The following ZNF273 variants were observed in gnomAD, a reference collection of about 807,000 sequenced individuals.
ZNF273 encodes the protein zinc finger protein 273, also known as zinc finger protein 9.
A neutral mutation model predicts 14.9 loss-of-function variants in ZNF273; 11 were observed. That is an observed-to-expected ratio of 0.74 (90% confidence interval 0.46 to 1.22). The LOEUF is 1.22. ZNF273 is among the 50% of genes most tolerant of loss of function. The pLI, the probability that ZNF273 is intolerant of heterozygous loss-of-function variation, is 0.00. For synonymous variants in ZNF273, 199 were observed against 223.9 expected, an observed-to-expected ratio of 0.89 and a Z score of 0.99; for missense variants, 577 against 660.6, an observed-to-expected ratio of 0.87 and a Z score of 1.39.
downstream of ZNF273, among the ~76,000 whole-genome samples, chr7:64,883,214 A>ACCCCCCCCCCCCCCC (rs57594044): frequency 1.6e-5 from 2 of 121,638 alleles, no homozygotes; most frequent in Non-Finnish European, 3.5e-5. Flanking sequence ...CCAAATCACC[A>ACCCCCCCCCCCCCCC]CCCCCCCCTC....
At chr7:64,877,691 C>T (rs1375282778) in exon 1 of ZNF273, 3 of 152,348 alleles carry the variant, frequency 2.0e-5, no homozygotes, top group Non-Finnish European at 4.4e-5. Context: ...CCTGTCTTCT[C>T]TGAAGGATCC....
intron 1 of ZNF273, among the ~76,000 whole-genome samples, chr7:64,878,091 G>T (rs1240259586): frequency 6.6e-6 from 1 of 152,154 alleles, no homozygotes; most frequent in Admixed American, 6.5e-5. Flanking sequence ...TGGCTCACGT[G>T]GCTCACGCAC....
In ZNF273 at chr7:64,929,791, A is replaced by C. The variant is rs1457762310; in HGVS notation, c.*753A>C. ...TTTGGAAAAAATTACAGGTTTTTTG[A>C]AAAGTGAATAATGTAATTCAACTCT... is the stretch of plus-strand genomic sequence containing the variant. On this transcript the variant is annotated 3_prime_UTR_variant, in exon 4 of 4. Coordinates refer to ENST00000476120, the MANE Select transcript of ZNF273 (RefSeq NM_021148.3). 1.3e-5 allele frequency: 2 copies of C among 152,168 alleles called. No individual in the cohort carries two copies. Among genetic ancestry groups the C allele is most frequent in the African/African-American group, 4.8e-5 (2 of 41,446 alleles). 9.4% of individuals were successfully genotyped at this position (152,168 alleles called of 1,614,324 possible).
At chr7:64,901,753 C>T (rs1792731290), upstream of ZNF273, among the ~76,000 whole-genome samples, 1 of 147,500 alleles carries the variant, frequency 6.8e-6, no homozygotes, top group Non-Finnish European at 1.5e-5. Flanking sequence ...GAGTTCGAGA[C>T]CAGCCTGACC....
intron 1 of ZNF273, among the ~76,000 whole-genome samples, chr7:64,910,474 T>TTGTAGG (rs1214287789): frequency 6.6e-6 from 1 of 152,154 alleles, no homozygotes; most frequent in African/African-American, 2.4e-5. Flanking sequence ...GATCAGATGG[T>TTGTAGG]TGTAGGTGTG....
chr7:64,915,438 T>C (rs529723478), intron 1 of ZNF273, among the ~76,000 whole-genome samples: 1 of 152,132 alleles, frequency 6.6e-6, no homozygotes, highest in Admixed American at 6.5e-5. Flanking sequence ...GTGATAAGCA[T>C]TGTTTATGTA....
Position 64,909,449 on chromosome 7 carries a change from C to T in ZNF273, c.102+6030C>T, listed in dbSNP as rs577133224. ...TCAACATGGTGTCCAGGCTGGTCTCCAACTCCTGACCTCAAGTGATCTGCC... is the reference window on the plus strand; with the variant it reads ...TCAACATGGTGTCCAGGCTGGTCTCTAACTCCTGACCTCAAGTGATCTGCC... On this transcript the variant is annotated intron_variant, in intron 1 of 3. Transcript: ENST00000476120. Among the ~76,000 whole-genome samples, 7 of 151,910 alleles carry T rather than the reference C, an allele frequency of 4.6e-5. 1 individual carries two copies. Among genetic ancestry groups the T allele is most frequent in the Admixed American group, 4.6e-4 (7 of 15,250 alleles).
At chr7:64,918,085 T>TAA in intron 2 of ZNF273, 112 bp from the exon 3 acceptor site, 2 of 966,874 alleles carry the variant, frequency 2.1e-6, no homozygotes, top group Non-Finnish European at 2.9e-6. Context: ...AATTAGATAT[T>TAA]TTGGGATTAA....
chr7:64,924,306 TGA>T (rs2129098627), intron 3 of ZNF273: 1 of 152,244 alleles, frequency 6.6e-6, no homozygotes, highest in East Asian at 1.9e-4. Flanking sequence ...TTAATGTTGT[TGA>T]GTTTTGTATA....
intron 1 of ZNF273, among the ~76,000 whole-genome samples, chr7:64,909,642 T>C (rs9638208): frequency 0.31 from 47,685 of 151,920 alleles, 8,546 homozygotes; most frequent in Non-Finnish European, 0.38. Flanking sequence ...TGCATGTGTC[T>C]TTATAATAGA....
chr7:64,886,057 G>T (rs117394523), intron 1 of ZNF273, among the ~76,000 whole-genome samples: 1 of 137,486 alleles, frequency 7.3e-6, no homozygotes, highest in African/African-American at 2.7e-5. Flanking sequence ...AGGCTTAGGT[G>T]GGGGAAACCA....
downstream of ZNF273, among the ~76,000 whole-genome samples, chr7:64,892,966 C>CA (rs1792125715): frequency 6.6e-6 from 1 of 152,136 alleles, no homozygotes; most frequent in South Asian, 2.1e-4. Flanking sequence ...ACAACAACAA[C>CA]AAAAATGGAG....
downstream of ZNF273, among the ~76,000 whole-genome samples, chr7:64,890,406 G>A (rs1289549706): frequency 6.6e-6 from 1 of 152,030 alleles, no homozygotes; most frequent in Non-Finnish European, 1.5e-5. Flanking sequence ...TGGGTTTTGT[G>A]TTTGCCTTTT....
At chr7:64,891,516 C>T (rs1341167761), downstream of ZNF273, among the ~76,000 whole-genome samples, 1 of 152,200 alleles carries the variant, frequency 6.6e-6, no homozygotes. Context: ...CTTTTCCAAA[C>T]TGGTCCAAGG....
upstream of ZNF273, among the ~76,000 whole-genome samples, chr7:64,899,161 C>A (rs1792536866): frequency 6.6e-6 from 1 of 152,254 alleles, no homozygotes; most frequent in Non-Finnish European, 1.5e-5. Flanking sequence ...TCAAAAGGTC[C>A]AAAACTTAAC....
rs575307032 is a variant in ZNF273 at position 64,888,620 on chromosome 7, G to A, written n.321G>A. On this transcript the variant is annotated non_coding_transcript_exon_variant, in exon 2 of 2. Coordinates refer to the ZNF273 transcript ENST00000471926. ...CTCCACCTTCTCCACCACCCAGCAG[G>A]AGCGGGGCGGCCTGGATCTGTTTTC... 3.4e-5 allele frequency: 34 copies of A among 985,840 alleles called. No individual in the cohort carries two copies. In the South Asian group the frequency reaches 1.3e-3, roughly 38 times the overall value. The allele number at this position is 985,840 out of a possible 1,614,324, so 61.1% of individuals were successfully genotyped here. A position where few individuals can be genotyped will look rare whatever the true frequency, so the allele number is the denominator to read the frequency against.
At chr7:64,883,833 T>G (rs950261228), downstream of ZNF273, among the ~76,000 whole-genome samples, 1 of 152,228 alleles carries the variant, frequency 6.6e-6, no homozygotes, top group Non-Finnish European at 1.5e-5. Context: ...CAAAGGCTTC[T>G]ACAGTAAACC....
downstream of ZNF273, chr7:64,890,147 T>TCCC (rs1791888988): frequency 6.6e-6 from 1 of 152,436 alleles, no homozygotes; most frequent in South Asian, 2.1e-4. Context: ...AAGACAGGTT[T>TCCC]TGTGGACAGG....
chr7:64,898,378 G>A (rs7808902), upstream of ZNF273, among the ~76,000 whole-genome samples: 56,676 of 151,892 alleles, frequency 0.37, 11,051 homozygotes, highest in South Asian at 0.44. Context: ...AGTGTTCTTC[G>A]TTTGAGTAGT....
Sources: allele counts gnomAD v4.1 joint callset (sites outside exome capture counted in the v4.1 genomes callset), GRCh38; gene constraint gnomAD v4.1.1; transcripts MANE v1.5; gene names NCBI Gene and HGNC (gene_info 2026-07-23, HGNC 2026-07-21).